Variants in CPQ observed in about 807,000 individuals in gnomAD.
CPQ encodes carboxypeptidase Q.
In CPQ, 37 loss-of-function variants were observed where a neutral mutation model predicts 45.7. The ratio of observed to expected loss-of-function variants is 0.81; its 90% CI spans 0.62 to 1.07. CPQ has a LOEUF of 1.07. CPQ is among the 50% of genes least tolerant of loss of function. The pLI is 0.00. For missense variants in CPQ, 537 were observed against 572.9 expected (o/e 0.94, Z 0.64); for synonymous variants, 186 against 205.8 (o/e 0.90, Z 0.82).
chr8:96,691,422 A>C (rs1455670094), intron 1 of CPQ, among the ~76,000 whole-genome samples: 2 of 152,140 alleles, frequency 1.3e-5, no homozygotes, highest in Non-Finnish European at 2.9e-5. Flanking sequence ...GGTTATACTC[A>C]TCAAAAGTAC....
intron 5 of CPQ, among the ~76,000 whole-genome samples, chr8:96,970,579 T>TA (rs1351477431): frequency 6.6e-6 from 1 of 151,960 alleles, no homozygotes; most frequent in Non-Finnish European, 1.5e-5. Context: ...TTTTTTTTTT[T>TA]TTGAGACGGA....
intron 1 of CPQ, among the ~76,000 whole-genome samples, chr8:96,746,258 C>T (rs990645276): frequency 6.6e-6 from 1 of 152,162 alleles, no homozygotes; most frequent in Admixed American, 6.5e-5. Flanking sequence ...AGCTGAGAGA[C>T]TCCATTTAAT....
chr8:96,755,646 CA>C (rs1810317986), intron 1 of CPQ, among the ~76,000 whole-genome samples: 1 of 151,758 alleles, frequency 6.6e-6, no homozygotes, highest in African/African-American at 2.4e-5. Context: ...TCAAAGGGCA[CA>C]AAGTATATAA....
In CPQ at chr8:97,125,286, G is replaced by A. The variant is rs572239184; in HGVS notation, c.1256-17734G>A. Among the ~76,000 whole-genome samples the A allele has an allele frequency of 8.5e-5, 13 of 152,298 alleles. No individual in the cohort carries two copies. In the South Asian group the frequency reaches 2.7e-3, roughly 32 times the overall value. ...TCAAAGAAAACCCCAGGCCCAGGTA[G>A]TTCCCTAATTAATTCTGTGAACCAT... On this transcript the variant is annotated intron_variant, in intron 7 of 7. Transcript: ENST00000220763.
chr8:96,995,682 C>G (rs1285155642), intron 5 of CPQ, among the ~76,000 whole-genome samples: 1 of 148,672 alleles, frequency 6.7e-6, no homozygotes, highest in Non-Finnish European at 1.5e-5. Context: ...AAAAAAAACA[C>G]TTCTATTTTA....
At chr8:96,983,761 G>A (rs750789602) in intron 5 of CPQ, among the ~76,000 whole-genome samples, 3 of 150,962 alleles carry the variant, frequency 2.0e-5, no homozygotes, top group Non-Finnish European at 4.4e-5. Context: ...TATCCTTAAT[G>A]ATGAATTTTC....
At chr8:96,867,343 C>T (rs755165948) in intron 3 of CPQ, among the ~76,000 whole-genome samples, 2 of 152,022 alleles carry the variant, frequency 1.3e-5, no homozygotes, top group Non-Finnish European at 2.9e-5. Flanking sequence ...CTGCTTAACT[C>T]ATCACTATTA....
chr8:96,984,547 G>A (rs1235709938), intron 5 of CPQ, among the ~76,000 whole-genome samples: 1 of 152,192 alleles, frequency 6.6e-6, no homozygotes, highest in Admixed American at 6.5e-5. Flanking sequence ...AGCAGAGACT[G>A]GATCTTAACC....
intron 3 of CPQ, among the ~76,000 whole-genome samples, chr8:96,838,445 T>C (rs933797706): frequency 1.8e-4 from 28 of 152,070 alleles, no homozygotes; most frequent in African/African-American, 6.8e-4. Flanking sequence ...TAGAGGGAGA[T>C]TTTCCATGGT....
intron 1 of CPQ, among the ~76,000 whole-genome samples, chr8:96,666,157 C>A (rs918576220): frequency 6.6e-6 from 1 of 152,052 alleles, no homozygotes; most frequent in Non-Finnish European, 1.5e-5. Flanking sequence ...AGTTCTTTAG[C>A]AAGACGTCTG....
At chr8:96,987,925 CATG>C (rs1477681818) in intron 5 of CPQ, among the ~76,000 whole-genome samples, 2 of 152,140 alleles carry the variant, frequency 1.3e-5, no homozygotes, top group African/African-American at 4.8e-5. Context: ...AGTGAATTCC[CATG>C]ATGAGAGTCA....
At chr8:97,033,659 TTAA>T (rs1048983948) in intron 6 of CPQ, among the ~76,000 whole-genome samples, 3 of 152,102 alleles carry the variant, frequency 2.0e-5, no homozygotes, top group Non-Finnish European at 4.4e-5. Context: ...CTGGCAGTCT[TTAA>T]TAATAAAGTT....
intron 4 of CPQ, among the ~76,000 whole-genome samples, chr8:96,890,818 A>G (rs539568530): frequency 2.7e-4 from 41 of 152,304 alleles, no homozygotes; most frequent in African/African-American, 9.9e-4. Context: ...AACAGAAAAC[A>G]AGAATTTTGC....
chr8:96,804,742 C>T (rs542426071), intron 2 of CPQ, among the ~76,000 whole-genome samples: 1 of 151,590 alleles, frequency 6.6e-6, no homozygotes, highest in African/African-American at 2.4e-5. Flanking sequence ...CTATGTCAGT[C>T]TTACTATGAT....
At chr8:97,073,945 A>G (rs1563573178) in intron 7 of CPQ, among the ~76,000 whole-genome samples, 1 of 152,184 alleles carries the variant, frequency 6.6e-6, no homozygotes, top group African/African-American at 2.4e-5. Context: ...GTTCATCAGA[A>G]CATCTTATAA....
intron 1 of CPQ, among the ~76,000 whole-genome samples, chr8:96,769,730 C>T (rs1810516043): frequency 6.7e-6 from 1 of 149,774 alleles, no homozygotes; most frequent in Non-Finnish European, 1.5e-5. Context: ...CTCCTGGGCT[C>T]AAACAATTCT....
At chr8:97,042,558 G>A (rs1197819293) in intron 6 of CPQ, among the ~76,000 whole-genome samples, 2 of 151,746 alleles carry the variant, frequency 1.3e-5, no homozygotes, top group African/African-American at 4.8e-5. Flanking sequence ...TGCTTTTCTA[G>A]TTCTTTTAAT....
chr8:96,879,660 T>A (rs1446168281), intron 3 of CPQ, 138 bp from the exon 4 acceptor site: 1 of 624,738 alleles, frequency 1.6e-6, no homozygotes, highest in African/African-American at 1.8e-5. Context: ...AGCAAGTAAA[T>A]CAATACTTCC....
intron 1 of CPQ, among the ~76,000 whole-genome samples, chr8:96,649,141 T>A (rs560839561): frequency 6.6e-6 from 1 of 152,322 alleles, no homozygotes; most frequent in African/African-American, 2.4e-5. Context: ...ACAGCCTGGC[T>A]AATTTTTTTA....
Sources: allele counts gnomAD v4.1 joint callset (sites outside exome capture counted in the v4.1 genomes callset), GRCh38; gene constraint gnomAD v4.1.1; transcripts MANE v1.5; gene names NCBI Gene and HGNC (gene_info 2026-07-23, HGNC 2026-07-21).